RAPGEF4: variants seen among roughly 807,000 people sequenced by gnomAD.
RAPGEF4 encodes Rap guanine nucleotide exchange factor 4.
Under a neutral mutation model 147.9 loss-of-function variants are expected in RAPGEF4, and 66 were observed. The ratio of observed to expected loss-of-function variants is 0.45; its 90% CI spans 0.37 to 0.55. RAPGEF4 has a LOEUF of 0.55. Ranked by LOEUF, RAPGEF4 falls within the 20% of genes least tolerant of loss-of-function variation. RAPGEF4 has a pLI of 0.00. For missense variants in RAPGEF4, 1,071 were observed against 1,257.3 expected (o/e 0.85, Z 2.24); for synonymous variants, 419 against 442.7 (o/e 0.95, Z 0.67).
intron 4 of RAPGEF4, among the ~76,000 whole-genome samples, chr2:172,910,942 A>C (rs553781148): frequency 6.6e-6 from 1 of 152,330 alleles, no homozygotes; most frequent in East Asian, 1.9e-4. Context: ...CCTATTGATG[A>C]AGGAAAGAGA....
chr2:172,980,884 G>C (rs1691608109), intron 10 of RAPGEF4, among the ~76,000 whole-genome samples: 1 of 152,166 alleles, frequency 6.6e-6, no homozygotes, highest in Non-Finnish European at 1.5e-5. Flanking sequence ...CTGACCTGAA[G>C]TGATCCTCCT....
At chr2:172,815,224 TG>T (rs1411960898) in intron 4 of RAPGEF4, among the ~76,000 whole-genome samples, 17 of 152,354 alleles carry the variant, frequency 1.1e-4, no homozygotes, top group Admixed American at 1.0e-3. Context: ...CTGGTCCCAG[TG>T]TGGCTAAGAT....
chr2:172,788,381 C>T (rs536173664), intron 1 of RAPGEF4, among the ~76,000 whole-genome samples: 9 of 152,272 alleles, frequency 5.9e-5, no homozygotes, highest in Non-Finnish European at 1.3e-4. Flanking sequence ...TAAGGAAAAG[C>T]TCCAAGAAGG....
Position 173,036,125 on chromosome 2 carries a change from G to A in RAPGEF4, c.2701G>A (p.Asp901Asn). ...KFYAEFESLM[D>N]PSRNHRAYRL... The stretch of plus-strand genomic sequence containing the variant: ...CCATCATCTCTTTTTCTCTCCTAAG[G>A]ACCCTTCAAGGAACCACAGGGCCTA... Residue 901 changes from aspartate (D) to asparagine (N), a missense_variant and splice_region_variant, in exon 28 of 31, where the codon GAC becomes AAC. Physicochemically the swap from Asp to Asn is conservative, Grantham distance 23. Coordinates refer to ENST00000397081, the MANE Select transcript of RAPGEF4 (RefSeq NM_007023.4). 1 of 1,604,720 alleles carries A rather than the reference G, an allele frequency of 6.2e-7. No individual in the cohort carries two copies. Among genetic ancestry groups the A allele is most frequent in the Non-Finnish European group, 8.5e-7 (1 of 1,171,852 alleles).
intron 6 of RAPGEF4, among the ~76,000 whole-genome samples, chr2:172,953,189 A>G (rs895074389): frequency 6.7e-6 from 1 of 149,832 alleles, no homozygotes; most frequent in East Asian, 1.9e-4. Context: ...TATATATAAT[A>G]GCTATCTATT....
intron 4 of RAPGEF4, among the ~76,000 whole-genome samples, chr2:172,885,709 T>C (rs988934164): frequency 6.6e-6 from 1 of 152,138 alleles, no homozygotes; most frequent in South Asian, 2.1e-4. Context: ...ATGATTCAAT[T>C]ATCTCTCACT....
chr2:172,952,458 T>A (rs943465392), intron 6 of RAPGEF4, among the ~76,000 whole-genome samples: 1 of 152,334 alleles, frequency 6.6e-6, no homozygotes, highest in Admixed American at 6.5e-5. Context: ...TATGTTTCCA[T>A]AGAAGTCACA....
chr2:172,803,956 G>T (rs1287616125), intron 3 of RAPGEF4, among the ~76,000 whole-genome samples: 2 of 152,106 alleles, frequency 1.3e-5, no homozygotes, highest in African/African-American at 4.8e-5. Context: ...CTCCATCTGA[G>T]ACTATCATGA....
At chr2:172,944,974 G>T (rs1687543528) in intron 6 of RAPGEF4, among the ~76,000 whole-genome samples, 1 of 151,236 alleles carries the variant, frequency 6.6e-6, no homozygotes, top group South Asian at 2.1e-4. Context: ...ATTATTGTGG[G>T]TTTTTTTTTC....
intron 6 of RAPGEF4, among the ~76,000 whole-genome samples, chr2:172,930,799 A>G (rs1473193695): frequency 6.6e-6 from 1 of 152,216 alleles, no homozygotes; most frequent in African/African-American, 2.4e-5. Flanking sequence ...ATTTGCATAC[A>G]TGATTTATGA....
At chr2:172,950,424 A>G (rs1688099890) in intron 6 of RAPGEF4, among the ~76,000 whole-genome samples, 1 of 152,228 alleles carries the variant, frequency 6.6e-6, no homozygotes, top group Non-Finnish European at 1.5e-5. Flanking sequence ...TTAAATTCAC[A>G]TGTAAACATT....
chr2:172,807,475 T>C (rs972126181), intron 3 of RAPGEF4, among the ~76,000 whole-genome samples: 2 of 152,258 alleles, frequency 1.3e-5, no homozygotes, highest in African/African-American at 4.8e-5. Flanking sequence ...TATTTTGCCC[T>C]CTTGATTTGG....
chr2:172,868,448 C>T (rs1254020944), intron 4 of RAPGEF4, among the ~76,000 whole-genome samples: 3 of 151,970 alleles, frequency 2.0e-5, no homozygotes, highest in Non-Finnish European at 1.5e-5. Flanking sequence ...CTTTTTCATT[C>T]TATGTTTTAA....
chr2:172,822,954 C>A (rs139190874), intron 4 of RAPGEF4, among the ~76,000 whole-genome samples: 1 of 152,190 alleles, frequency 6.6e-6, no homozygotes, highest in Non-Finnish European at 1.5e-5. Context: ...TGTTTCCCAC[C>A]AGGTGGAGGT....
chr2:172,947,644 CAT>C (rs1194848235), intron 6 of RAPGEF4, among the ~76,000 whole-genome samples: 1 of 152,148 alleles, frequency 6.6e-6, no homozygotes, highest in East Asian at 1.9e-4. Flanking sequence ...ATCAGGATTA[CAT>C]ATGAGTAAGT....
rs1352501250 is a variant in RAPGEF4 at position 173,042,958 on chromosome 2, ACTCAGGG to A, written c.2854-5638_2854-5632del. On this transcript the variant is annotated intron_variant, in intron 29 of 30. Transcript: ENST00000397081. The surrounding 1 kb of genome is among the most constrained non-coding windows in gnomAD (Gnocchi z 4.2). ...TACTAAAGATCTGTAGGGAGACCGG[ACTCAGGG>A]CTCCTCCTCAATGATGCACACAGTG... Among the ~76,000 whole-genome samples, 2 of 152,152 alleles carry A rather than the reference ACTCAGGG, an allele frequency of 1.3e-5. No homozygotes were observed. The highest frequency in any genetic ancestry group is 4.8e-5 in the African/African-American group (2 of 41,442).
At position 172,914,939 on chromosome 2, in the gene RAPGEF4, A is replaced by G. The variant is rs766659182; in HGVS notation, c.445-2863A>G. On this transcript the variant is annotated intron_variant, in intron 4 of 30. Coordinates refer to ENST00000397081, the MANE Select transcript of RAPGEF4 (RefSeq NM_007023.4). ...TGCTTTTTAAATTTGTGCTTGGAAG[A>G]TGAAATGCTGCCCAAAGATCAAGCT... 3.9e-5 allele frequency among the ~76,000 whole-genome samples: 6 copies of G among 152,216 alleles called. No individual in the cohort carries two copies. The South Asian group carries it at 6.2e-4, about 16-fold the overall frequency.
chr2:172,919,977 C>T (rs1684559083), intron 5 of RAPGEF4, among the ~76,000 whole-genome samples: 1 of 152,142 alleles, frequency 6.6e-6, no homozygotes, highest in Non-Finnish European at 1.5e-5. Context: ...TGGGCCTCAT[C>T]TCTTTGGATT....
chr2:172,758,781 A>T (rs779292351), intron 1 of RAPGEF4, among the ~76,000 whole-genome samples: 1 of 152,088 alleles, frequency 6.6e-6, no homozygotes, highest in Non-Finnish European at 1.5e-5. Flanking sequence ...AGTTTGAGAT[A>T]CCTATTAGAC....
Sources: allele counts gnomAD v4.1 joint callset (sites outside exome capture counted in the v4.1 genomes callset), GRCh38; gene constraint gnomAD v4.1.1; non-coding constraint Gnocchi (gnomAD v3.1); transcripts MANE v1.5; gene names NCBI Gene and HGNC (gene_info 2026-07-23, HGNC 2026-07-21).